SGIP1: variants seen among roughly 807,000 people sequenced by gnomAD.
SGIP1 encodes the protein SH3GL interacting endocytic adaptor 1, also known as SH3-containing GRB2-like protein 3-interacting protein 1.
SGIP1 carries 38 observed loss-of-function variants against 107.5 expected under a neutral mutation model. That is an observed-to-expected ratio of 0.35 (90% CI 0.27 to 0.46). SGIP1 has a LOEUF of 0.46. SGIP1 is among the 20% of genes least tolerant of loss of function. SGIP1 has a pLI of 1.00. For synonymous variants in SGIP1, 365 were observed against 366.1 expected (o/e 1.00, Z 0.03); for missense variants, 929 against 1,019.5 (o/e 0.91, Z 1.21).
chr1:66,648,034 C>T (rs7545674), intron 7 of SGIP1, among the ~76,000 whole-genome samples: 20,353 of 152,136 alleles, frequency 0.13, 1,407 homozygotes, highest in African/African-American at 0.15. Flanking sequence ...AGTTGAGCTG[C>T]TTTACACAAC....
At chr1:66,733,107 T>TA (rs149610563) in intron 20 of SGIP1, among the ~76,000 whole-genome samples, 1 of 152,360 alleles carries the variant, frequency 6.6e-6, no homozygotes, top group Non-Finnish European at 1.5e-5. Flanking sequence ...TCTTAGCTTA[T>TA]AGAGACTCTG....
At chr1:66,597,861 T>C (rs1294824740) in intron 1 of SGIP1, among the ~76,000 whole-genome samples, 3 of 152,214 alleles carry the variant, frequency 2.0e-5, no homozygotes, top group Non-Finnish European at 4.4e-5. Context: ...GCTTGCTGAA[T>C]GTTTTTAGCT....
chr1:66,619,393 C>T (rs1035183944), intron 1 of SGIP1, among the ~76,000 whole-genome samples: 9 of 152,240 alleles, frequency 5.9e-5, no homozygotes, highest in African/African-American at 1.7e-4. Flanking sequence ...CTTTCAAAGA[C>T]GGAACGCCCT....
intron 1 of SGIP1, among the ~76,000 whole-genome samples, chr1:66,599,834 G>A (rs1348205900): frequency 6.6e-6 from 1 of 152,154 alleles, no homozygotes; most frequent in East Asian, 1.9e-4. Flanking sequence ...GTGGCTAGAT[G>A]GCTGATCCTG....
intron 1 of SGIP1, among the ~76,000 whole-genome samples, chr1:66,562,891 G>T (rs2059154123): frequency 6.6e-6 from 1 of 152,072 alleles, no homozygotes; most frequent in East Asian, 1.9e-4. Context: ...GATAATAATG[G>T]CCTGTGATTT....
At chr1:66,626,687 G>A (rs977967933) in intron 2 of SGIP1, among the ~76,000 whole-genome samples, 1 of 152,234 alleles carries the variant, frequency 6.6e-6, no homozygotes. Context: ...TCCACTGGCC[G>A]GGAACTTGAG....
chr1:66,716,929 C>T (rs905172428), intron 18 of SGIP1, among the ~76,000 whole-genome samples: 2 of 152,048 alleles, frequency 1.3e-5, no homozygotes, highest in Non-Finnish European at 2.9e-5. Flanking sequence ...AAATACCACA[C>T]TTCCCGTGGT....
intron 18 of SGIP1, among the ~76,000 whole-genome samples, chr1:66,702,973 G>A (rs190509671): frequency 1.1e-4 from 16 of 152,264 alleles, no homozygotes; most frequent in South Asian, 8.3e-4. Context: ...CAAGAACAGC[G>A]GAAAGTCTTG....
At chr1:66,548,502 A>G (rs1203363871) in intron 1 of SGIP1, among the ~76,000 whole-genome samples, 2 of 152,240 alleles carry the variant, frequency 1.3e-5, no homozygotes, top group East Asian at 3.9e-4. Context: ...ACAGCTGAAA[A>G]AAATGAAGAT....
intron 9 of SGIP1, among the ~76,000 whole-genome samples, chr1:66,670,402 T>C (rs72669484): frequency 0.077 from 11,708 of 152,320 alleles, 468 homozygotes; most frequent in South Asian, 0.098. Context: ...ATGGGCCTAG[T>C]GGCAGGCAAG....
chr1:66,743,143 T>G lies in SGIP1; in HGVS notation c.*48T>G. ...GAGGATTCATATAATGGAGAACTGA[T>G]GTATGAGAAACAGATTTTAATTTTG... On this transcript the variant is annotated 3_prime_UTR_variant, in exon 25 of 25. Coordinates refer to ENST00000371037, the MANE Select transcript of SGIP1 (RefSeq NM_032291.4). 1 of 1,598,806 alleles carries G rather than the reference T, an allele frequency of 6.3e-7. No homozygotes were observed. Among genetic ancestry groups the G allele is most frequent in the Non-Finnish European group, 8.6e-7 (1 of 1,168,588 alleles).
At chr1:66,714,913 T>G (rs1346896430) in intron 18 of SGIP1, among the ~76,000 whole-genome samples, 2 of 152,144 alleles carry the variant, frequency 1.3e-5, no homozygotes, top group Non-Finnish European at 2.9e-5. Flanking sequence ...TTTTCTGGTT[T>G]TAGCCCTGTT....
At chr1:66,698,503 C>G (rs1273961738) in intron 18 of SGIP1, among the ~76,000 whole-genome samples, 4 of 151,918 alleles carry the variant, frequency 2.6e-5, no homozygotes, top group Admixed American at 2.6e-4. Context: ...CACAGCCTCC[C>G]GAGTAGCTGG....
Position 66,560,004 on chromosome 1 carries a change from T to C in SGIP1, c.10+25636T>C, listed in dbSNP as rs903914371. ...GAGGGGAGAGAGAATAGGTACTAAGTTGGCAAATTACCAACATAGTGTATG... is the reference window on the plus strand; with the variant it reads ...GAGGGGAGAGAGAATAGGTACTAAGCTGGCAAATTACCAACATAGTGTATG... On this transcript the variant is annotated intron_variant, in intron 1 of 24. Transcript: ENST00000371037. 5.3e-5 allele frequency among the ~76,000 whole-genome samples: 8 copies of C among 152,118 alleles called. No homozygotes were observed. The East Asian group carries it at 1.5e-3, about 29-fold the overall frequency.
At chr1:66,737,453 G>C (rs1353236606) in intron 21 of SGIP1, among the ~76,000 whole-genome samples, 1 of 152,118 alleles carries the variant, frequency 6.6e-6, no homozygotes, top group Non-Finnish European at 1.5e-5. Context: ...AACACTTTGG[G>C]AGGCTGAGGC....
chr1:66,647,580 A>T (rs1025071825), intron 7 of SGIP1, among the ~76,000 whole-genome samples: 1 of 152,210 alleles, frequency 6.6e-6, no homozygotes, highest in African/African-American at 2.4e-5. Flanking sequence ...GTAATCTCAG[A>T]TTATTTCAGA....
intron 7 of SGIP1, among the ~76,000 whole-genome samples, chr1:66,646,260 G>A (rs1489936742): frequency 1.3e-5 from 2 of 152,132 alleles, no homozygotes; most frequent in Non-Finnish European, 2.9e-5. Context: ...GGACTTTCAT[G>A]TCTCCAGCCA....
intron 6 of SGIP1, among the ~76,000 whole-genome samples, chr1:66,643,324 A>G (rs1230150260): frequency 3.3e-5 from 5 of 152,320 alleles, no homozygotes; most frequent in Non-Finnish European, 7.3e-5. Flanking sequence ...GCAAAAATGT[A>G]GGATATTAGA....
Position 66,682,040 on chromosome 1 carries a change from C to T in SGIP1, c.986C>T (p.Pro329Leu), listed in dbSNP as rs773096121. 2 of 1,614,120 alleles carry T rather than the reference C, an allele frequency of 1.2e-6. No individual in the cohort carries two copies. The highest frequency in any genetic ancestry group is 1.7e-6 in the Non-Finnish European group (2 of 1,180,026). The change falls in exon 15 of 25, where the codon CCA (proline) becomes CTA (leucine). Residue 329 changes from proline (P) to leucine (L), a missense_variant. This residue lies in a region of SGIP1 where 588 missense variants were observed against 588.6 expected (regional missense o/e 1.00). Transcript: ENST00000371037. ...GAACATGTTACTCCGGAGTTGACTC[C>T]AAGGGAAAAAGTGGTGTCCCCACCA... ...SPEHVTPELT[P>L]REKVVSPPAT...
Sources: allele counts gnomAD v4.1 joint callset (sites outside exome capture counted in the v4.1 genomes callset), GRCh38; gene constraint gnomAD v4.1.1; regional missense constraint gnomAD v4.1.1; transcripts MANE v1.5; gene names NCBI Gene and HGNC (gene_info 2026-07-23, HGNC 2026-07-21).